The following DISC1 variants were observed in gnomAD, a reference collection of about 807,000 sequenced individuals.
The protein encoded by DISC1 is DISC1 scaffold protein, also known as disrupted in schizophrenia 1 protein.
In DISC1, 57 loss-of-function variants were observed where a neutral mutation model predicts 84.5. The ratio of observed to expected loss-of-function variants is 0.67; its 90% CI spans 0.55 to 0.84. The LOEUF (loss-of-function observed/expected upper bound fraction) is 0.84. Ranked by LOEUF, DISC1 falls within the 40% of genes least tolerant of loss-of-function variation. DISC1 has a pLI of 0.00. For missense variants in DISC1, 1,000 were observed against 1,057.8 expected, an observed-to-expected ratio of 0.95 and a Z score of 0.76; for synonymous variants, 411 against 415.2, an observed-to-expected ratio of 0.99 and a Z score of 0.12.
In DISC1 at chr1:231,857,835, T is replaced by A. The variant is rs143345124; in HGVS notation, c.1981+39318T>A. On this transcript the variant is annotated intron_variant, in intron 9 of 12. Transcript: ENST00000439617. ...GGCCGCTTAGTGCATTCAAGAATGC[T>A]GCTTGGTTTCTATGGCTGTGATTTC... 6.4e-3 allele frequency among the ~76,000 whole-genome samples: 975 copies of A among 152,338 alleles called. 15 individuals are homozygous for A. Among genetic ancestry groups the A allele is most frequent in the African/African-American group, 0.022 (917 of 41,580 alleles).
intron 9 of DISC1, among the ~76,000 whole-genome samples, chr1:231,929,837 A>G (rs2090547697): frequency 6.6e-6 from 1 of 152,210 alleles, no homozygotes; most frequent in Non-Finnish European, 1.5e-5. Flanking sequence ...ACACTCCACC[A>G]TTGTTGTTGT....
chr1:231,846,512 A>G (rs1187152093), intron 9 of DISC1, among the ~76,000 whole-genome samples: 1 of 152,228 alleles, frequency 6.6e-6, no homozygotes, highest in East Asian at 1.9e-4. Context: ...TTCAAAAGGA[A>G]CAGAAAATCG....
intron 9 of DISC1, among the ~76,000 whole-genome samples, chr1:231,915,710 G>A (rs1308312596): frequency 2.0e-5 from 3 of 152,166 alleles, no homozygotes; most frequent in Non-Finnish European, 4.4e-5. Context: ...CCTGGGAGGT[G>A]GATGTTGCAG....
chr1:231,967,224 A>G (rs1195037319), intron 10 of DISC1, among the ~76,000 whole-genome samples: 1 of 152,192 alleles, frequency 6.6e-6, no homozygotes, highest in Non-Finnish European at 1.5e-5. Flanking sequence ...CCCTCACCCA[A>G]GGCTCCCAGA....
At chr1:231,948,930 T>C (rs113951896) in intron 9 of DISC1, among the ~76,000 whole-genome samples, 3 of 143,296 alleles carry the variant, frequency 2.1e-5, no homozygotes, top group African/African-American at 7.8e-5. Context: ...AGTGCAGTGG[T>C]GCGATCTCGG....
chr1:231,669,858 A>G (rs1275579096), intron 1 of DISC1, among the ~76,000 whole-genome samples: 1 of 152,186 alleles, frequency 6.6e-6, no homozygotes, highest in South Asian at 2.1e-4. Flanking sequence ...TGACCCAACA[A>G]TTCTATTGTG....
intron 10 of DISC1, among the ~76,000 whole-genome samples, chr1:231,998,331 AAGGAAACAT>A (rs1210649404): frequency 2.0e-5 from 3 of 152,184 alleles, no homozygotes; most frequent in African/African-American, 7.2e-5. Flanking sequence ...AGAAAAATGG[AAGGAAACAT>A]ATGAGAGAAA....
intron 8 of DISC1, among the ~76,000 whole-genome samples, chr1:231,801,675 C>T (rs911720909): frequency 3.3e-5 from 5 of 152,132 alleles, no homozygotes; most frequent in African/African-American, 1.2e-4. Context: ...ATAGGTGATA[C>T]TAGTGTTAAG....
chr1:231,968,549 G>T (rs1284438815), intron 10 of DISC1, among the ~76,000 whole-genome samples: 1 of 140,324 alleles, frequency 7.1e-6, no homozygotes, highest in African/African-American at 2.7e-5. Context: ...CCGAGATCCC[G>T]CCACTGCACT....
rs1485443234 is a variant in DISC1 at position 231,954,546 on chromosome 1, A to T, written c.1982-4282A>T. On this transcript the variant is annotated intron_variant, in intron 9 of 12. Coordinates refer to ENST00000439617, the MANE Select transcript of DISC1 (RefSeq NM_018662.3). This position sits in a 1 kb window ranked among gnomAD's most constrained non-coding sequence, Gnocchi z 4.8. The stretch of plus-strand genomic sequence containing the variant: ...CTTCCTGATCAGGAAGGGGGTCTGC[A>T]GTCCTCTGGTCTTGTTTGTTTCGTA... 2.6e-5 allele frequency among the ~76,000 whole-genome samples: 4 copies of T among 152,192 alleles called. No homozygotes were observed. The highest frequency in any genetic ancestry group is 4.4e-5 in the Non-Finnish European group (3 of 68,038).
At chr1:231,836,842 G>A (rs1270880849) in intron 9 of DISC1, among the ~76,000 whole-genome samples, 1 of 152,086 alleles carries the variant, frequency 6.6e-6, no homozygotes, top group African/African-American at 2.4e-5. Flanking sequence ...TGTGATCTGA[G>A]TCGGGCCCCA....
At position 231,897,137 on chromosome 1, in the gene DISC1, G is replaced by A. The variant is rs368148521; in HGVS notation, c.1982-61691G>A. 2.8e-4 allele frequency among the ~76,000 whole-genome samples: 42 copies of A among 152,312 alleles called. No individual in the cohort carries two copies. The highest frequency in any genetic ancestry group is 9.4e-4 in the African/African-American group (39 of 41,576). ...CATGGTAAGACTTCAGAAAGGAAGT[G>A]ACATTGGAGGTACATCTTGAAGGAT... is the stretch of plus-strand genomic sequence containing the variant. On this transcript the variant is annotated intron_variant, in intron 9 of 12. Coordinates refer to ENST00000439617, the MANE Select transcript of DISC1 (RefSeq NM_018662.3). The surrounding 1 kb of genome is among the most constrained non-coding windows in gnomAD (Gnocchi z 4.5).
At chr1:231,743,569 G>A (rs1326527656) in intron 3 of DISC1, among the ~76,000 whole-genome samples, 1 of 152,178 alleles carries the variant, frequency 6.6e-6, no homozygotes, top group African/African-American at 2.4e-5. Context: ...AAAGTATTAA[G>A]AAAGAAATCA....
chr1:231,828,770 CTCTG>C (rs1405964589), intron 9 of DISC1, among the ~76,000 whole-genome samples: 2 of 152,084 alleles, frequency 1.3e-5, no homozygotes, highest in African/African-American at 4.8e-5. Context: ...ATTTTACATC[CTCTG>C]TCTGTCCTTA....
intron 9 of DISC1, among the ~76,000 whole-genome samples, chr1:231,938,461 G>A (rs558378621): frequency 6.6e-6 from 1 of 152,284 alleles, no homozygotes; most frequent in African/African-American, 2.4e-5. Context: ...CACACAAGAA[G>A]AGGAGGACCT....
chr1:231,854,846 A>G, intron 9 of DISC1: 2 of 347,238 alleles, frequency 5.8e-6, no homozygotes, highest in South Asian at 4.5e-5. Context: ...CCTCCGGAGT[A>G]GCTGGGATTA....
intron 9 of DISC1, among the ~76,000 whole-genome samples, chr1:231,871,671 G>A (rs1040177057): frequency 4.6e-5 from 7 of 152,180 alleles, no homozygotes; most frequent in Non-Finnish European, 7.3e-5. Flanking sequence ...ACCCTAAATC[G>A]CGGCCTCTCA....
chr1:231,722,646 C>T (rs1472235617), intron 3 of DISC1: 1 of 1,613,388 alleles, frequency 6.2e-7, no homozygotes, highest in Admixed American at 1.7e-5. Context: ...TAGATATCCA[C>T]ACAGCGTAGA....
chr1:231,912,682 G>A (rs1021176687), intron 9 of DISC1, among the ~76,000 whole-genome samples: 3 of 152,080 alleles, frequency 2.0e-5, no homozygotes, highest in Non-Finnish European at 2.9e-5. Flanking sequence ...ACTGCATGCT[G>A]GGAGAACCAC....
Sources: gnomAD v4.1 joint callset for allele counts (sites outside exome capture counted in the v4.1 genomes callset) on GRCh38, gnomAD v4.1.1 for gene constraint, Gnocchi (gnomAD v3.1) non-coding constraint, MANE v1.5 for transcripts, NCBI Gene and HGNC (gene_info 2026-07-23, HGNC 2026-07-21) for gene names.